The following MCC variants were observed in gnomAD, a reference collection of about 807,000 sequenced individuals.
MCC encodes MCC regulator of Wnt signaling pathway, also known as colorectal mutant cancer protein.
A neutral mutation model predicts 116.2 loss-of-function variants in MCC; 90 were observed. The observed-to-expected ratio is 0.77, with a 90% CI of 0.65 to 0.92. The LOEUF is 0.92. Among genes scored for constraint, MCC ranks in the 40% least tolerant of loss-of-function variants. The pLI is 0.00. For synonymous variants in MCC, 578 were observed against 510.5 expected (o/e 1.13, Z -1.78); for missense variants, 1,516 against 1,312.2 (o/e 1.16, Z -2.40).
At chr5:113,106,876 C>A (rs1001839209) in intron 6 of MCC, among the ~76,000 whole-genome samples, 12 of 152,194 alleles carry the variant, frequency 7.9e-5, no homozygotes, top group Non-Finnish European at 1.2e-4. Context: ...TATTGTTCAG[C>A]TCTCAGCTCA....
intron 3 of MCC, among the ~76,000 whole-genome samples, chr5:113,157,559 C>A (rs77980494): frequency 0.022 from 3,335 of 152,330 alleles, 50 homozygotes; most frequent in Middle Eastern, 0.082. Flanking sequence ...CTGGGCCAGT[C>A]TTCCCGGCTT....
intron 3 of MCC, among the ~76,000 whole-genome samples, chr5:113,289,556 A>G (rs1457800379): frequency 6.6e-6 from 1 of 152,134 alleles, no homozygotes; most frequent in Non-Finnish European, 1.5e-5. Context: ...TTTCACTTCC[A>G]TATTTTAAGA....
chr5:113,085,411 T>A, intron 8 of MCC, 101 bp from the exon 9 acceptor site: 1 of 1,154,676 alleles, frequency 8.7e-7, no homozygotes, highest in Non-Finnish European at 1.2e-6. Context: ...CATTGAGGGA[T>A]CAGCCCACTG....
Position 113,105,284 on chromosome 5 carries a change from C to T in MCC, c.1028-929G>A, listed in dbSNP as rs149438465. Among the ~76,000 whole-genome samples, 686 of 152,300 alleles carry T rather than the reference C, an allele frequency of 4.5e-3. 1 individual carries two copies. Among genetic ancestry groups the T allele is most frequent in the Non-Finnish European group, 7.4e-3 (501 of 68,020 alleles). On this transcript the variant is annotated intron_variant, in intron 6 of 18. Transcript: ENST00000408903. ...GTGTCTTCCATTTTCTTCTTCTCTC[C>T]TGCATGCTTCTCACCACAGGTTCCA...
At chr5:113,047,638 G>T (rs1752183322) in intron 16 of MCC, among the ~76,000 whole-genome samples, 1 of 152,216 alleles carries the variant, frequency 6.6e-6, no homozygotes. Flanking sequence ...GTTGGCATAT[G>T]TCTGCGAGTC....
At chr5:113,108,031 C>T (rs761823612) in intron 6 of MCC, among the ~76,000 whole-genome samples, 2 of 152,138 alleles carry the variant, frequency 1.3e-5, no homozygotes, top group Admixed American at 6.5e-5. Context: ...CTCTCTGCTG[C>T]CCACCACTAC....
chr5:113,464,127 A>C (rs1216858258), intron 1 of MCC, among the ~76,000 whole-genome samples: 2 of 152,236 alleles, frequency 1.3e-5, no homozygotes, highest in East Asian at 3.9e-4. Context: ...TGAAGTGACA[A>C]TAGGGCACCA....
At chr5:113,349,057 TA>T (rs1284640198) in intron 2 of MCC, among the ~76,000 whole-genome samples, 1 of 152,094 alleles carries the variant, frequency 6.6e-6, no homozygotes, top group African/African-American at 2.4e-5. Flanking sequence ...CGTGAAGCCA[TA>T]ATGAAAGTCT....
chr5:113,180,518 G>A (rs1205994076), intron 3 of MCC, among the ~76,000 whole-genome samples: 1 of 152,144 alleles, frequency 6.6e-6, no homozygotes, highest in Admixed American at 6.6e-5. Context: ...AGATGGACAG[G>A]AGACTATTCT....
rs1410609307 is a variant in MCC at position 113,023,406 on chromosome 5, A to ATGT, written c.*3893_*3895dup. The ATGT allele has an allele frequency of 1.3e-5, 2 of 152,198 alleles. No individual in the cohort carries two copies. The highest frequency in any genetic ancestry group is 4.8e-5 in the African/African-American group (2 of 41,460). The allele number at this position is 152,198 out of a possible 1,614,324, so 9.4% of individuals were successfully genotyped here. On this transcript the variant is annotated 3_prime_UTR_variant, in exon 19 of 19. Transcript: ENST00000408903. The stretch of plus-strand genomic sequence containing the variant: ...CCCACTGGATAAGAAAATTTGCTGT[A>ATGT]TGTTTTCCTGAAAAATTTTATAGTG...
intron 3 of MCC, among the ~76,000 whole-genome samples, chr5:113,223,453 T>C (rs908227374): frequency 2.0e-5 from 3 of 152,054 alleles, no homozygotes; most frequent in African/African-American, 7.2e-5. Flanking sequence ...TGGGGATGCG[T>C]TTGAATTTCT....
intron 1 of MCC, among the ~76,000 whole-genome samples, chr5:113,475,025 A>C (rs1269722708): frequency 1.3e-5 from 2 of 152,208 alleles, no homozygotes; most frequent in African/African-American, 4.8e-5. Flanking sequence ...ATTTAAAGGA[A>C]ATGCAGCCAC....
At chr5:113,053,563 G>T (rs1042864411) in intron 15 of MCC, among the ~76,000 whole-genome samples, 162 bp downstream of exon 15, 1 of 152,124 alleles carries the variant, frequency 6.6e-6, no homozygotes, top group Non-Finnish European at 1.5e-5. Context: ...CAGCCCAAGT[G>T]ACCCCCAGAC....
chr5:113,109,845 G>A (rs1756985900), intron 6 of MCC, among the ~76,000 whole-genome samples: 1 of 152,160 alleles, frequency 6.6e-6, no homozygotes, highest in South Asian at 2.1e-4. Context: ...GATATGGGAA[G>A]TCTAAGGACA....
chr5:113,470,192 A>G (rs1379210368), intron 1 of MCC, among the ~76,000 whole-genome samples: 11 of 152,092 alleles, frequency 7.2e-5, no homozygotes, highest in African/African-American at 2.7e-4. Context: ...TTTAAAGTTA[A>G]TATTGTTATG....
chr5:113,215,039 C>T (rs79102369), intron 3 of MCC, among the ~76,000 whole-genome samples: 17 of 143,394 alleles, frequency 1.2e-4, no homozygotes, highest in African/African-American at 5.1e-4. Flanking sequence ...TTTCCCTTAC[C>T]TGGAACACAA....
At chr5:113,314,025 C>T (rs1158278873) in intron 3 of MCC, among the ~76,000 whole-genome samples, 2 of 152,078 alleles carry the variant, frequency 1.3e-5, no homozygotes, top group South Asian at 2.1e-4. Context: ...CACTATGTTG[C>T]CCAGGTTGGT....
At chr5:113,093,876 A>T (rs764004878) in intron 8 of MCC, among the ~76,000 whole-genome samples, 2 of 152,144 alleles carry the variant, frequency 1.3e-5, no homozygotes, top group African/African-American at 4.8e-5. Context: ...ACGTAGCAGT[A>T]CTCACTGGGT....
chr5:113,398,085 G>A (rs373418117), intron 1 of MCC, among the ~76,000 whole-genome samples: 1 of 152,206 alleles, frequency 6.6e-6, no homozygotes, highest in Non-Finnish European at 1.5e-5. Context: ...ATGAAAAAAT[G>A]CTCAACATCA....
Sources: gnomAD v4.1 joint callset for allele counts (sites outside exome capture counted in the v4.1 genomes callset) on GRCh38, gnomAD v4.1.1 for gene constraint, MANE v1.5 for transcripts, NCBI Gene and HGNC (gene_info 2026-07-23, HGNC 2026-07-21) for gene names.